POU2AF1: variants seen among roughly 807,000 people sequenced by gnomAD.
POU2AF1 encodes POU domain class 2-associating factor 1.
Under a neutral mutation model 26.3 loss-of-function variants are expected in POU2AF1, and 12 were observed. The observed-to-expected ratio is 0.46, with a 90% CI of 0.29 to 0.74. The LOEUF (loss-of-function observed/expected upper bound fraction) is 0.74, where lower values mean the gene tolerates loss of function less well. Among genes scored for constraint, POU2AF1 ranks in the 30% least tolerant of loss-of-function variants. The pLI, the probability that POU2AF1 is intolerant of heterozygous loss-of-function variation, is 0.09. For synonymous variants in POU2AF1, 175 were observed against 148.0 expected (o/e 1.18, Z -1.32); for missense variants, 297 against 334.5 (o/e 0.89, Z 0.87).
At chr11:111,378,248 G>A in intron 1 of POU2AF1, among the ~76,000 whole-genome samples, 1 of 152,104 alleles carries the variant, frequency 6.6e-6, no homozygotes, top group East Asian at 1.9e-4. Context: ...TTGAGGCACA[G>A]CATACTAAAA....
intron 1 of POU2AF1, among the ~76,000 whole-genome samples, chr11:111,360,437 G>A (rs958941755): frequency 1.4e-4 from 22 of 152,218 alleles, no homozygotes; most frequent in Non-Finnish European, 2.9e-4. Context: ...CCACGAGCAA[G>A]GCCTGGCCTT....
In POU2AF1 at chr11:111,353,012, AG is replaced by A; in HGVS notation, c.*1248del. ...AAGGAAAGAAGGAAGGAAGGAAGGA[AG>A]GAAGGAAGGAAGGAAGGAAGGAAGG... On this transcript the variant is annotated 3_prime_UTR_variant, in exon 5 of 5. Coordinates refer to ENST00000393067, the MANE Select transcript of POU2AF1 (RefSeq NM_006235.3). 6.0e-6 allele frequency: 1 copy of A among 166,690 alleles called. No homozygotes were observed. Among genetic ancestry groups the A allele is most frequent in the Non-Finnish European group, 1.2e-5 (1 of 81,006 alleles). 10.3% of individuals were successfully genotyped at this position (166,690 alleles called of 1,614,324 possible). A position where few individuals can be genotyped will look rare whatever the true frequency, so the allele number is the denominator to read the frequency against.
intron 1 of POU2AF1, among the ~76,000 whole-genome samples, chr11:111,368,182 G>T (rs1044298766): frequency 1.3e-5 from 2 of 152,176 alleles, no homozygotes; most frequent in Non-Finnish European, 2.9e-5. Context: ...TGGTTTGTTT[G>T]GTTGGTTTCC....
chr11:111,369,118 A>T (rs1428790016), intron 1 of POU2AF1, among the ~76,000 whole-genome samples: 1 of 152,234 alleles, frequency 6.6e-6, no homozygotes, highest in Non-Finnish European at 1.5e-5. Flanking sequence ...AGGCAGCAAG[A>T]TACCCCTACT....
At chr11:111,358,436 T>TCTCA (rs1565360837) in intron 2 of POU2AF1, among the ~76,000 whole-genome samples, 5 of 56,664 alleles carry the variant, frequency 8.8e-5, no homozygotes, top group Non-Finnish European at 1.2e-4. Context: ...ACTCTCACAC[T>TCTCA]CACTCTCACA....
At chr11:111,363,365 A>G (rs1861047477) in intron 1 of POU2AF1, 1 of 1,021,114 alleles carries the variant, frequency 9.8e-7, no homozygotes, top group Admixed American at 5.8e-5. Context: ...CTTCAAGACG[A>G]TTCCAAAGGA....
chr11:111,372,130 A>G (rs1161719180), intron 1 of POU2AF1, among the ~76,000 whole-genome samples: 1 of 151,938 alleles, frequency 6.6e-6, no homozygotes, highest in Non-Finnish European at 1.5e-5. Context: ...TAGAAAGTTC[A>G]GAATCAAGGA....
intron 1 of POU2AF1, among the ~76,000 whole-genome samples, chr11:111,375,390 C>CTT (rs869115956): frequency 0.27 from 20,715 of 77,256 alleles, 5,299 homozygotes; most frequent in East Asian, 0.55. Flanking sequence ...TACTGAGTAT[C>CTT]TTTTTTTTTT....
chr11:111,354,294 C>A lies in POU2AF1; in HGVS notation c.738G>T (p.Ala246=), dbSNP rs35539762. Residue 246 remains alanine, a synonymous_variant, in exon 5 of 5, where the codon GCG becomes GCT. Coordinates refer to ENST00000393067, the MANE Select transcript of POU2AF1 (RefSeq NM_006235.3). ...CTTCCACAGAGAGAGTGTGGTTAAG[C>A]GCATAGGCGTCGCTATCCTCTTCCT... ...LLEEEDSDAY[A]LNHTLSVEGF 2.5e-6 allele frequency: 4 copies of A among 1,614,094 alleles called. No individual in the cohort carries two copies. Among genetic ancestry groups the A allele is most frequent in the Non-Finnish European group, 3.4e-6 (4 of 1,180,036 alleles).
At chr11:111,358,370 A>C (rs1479624007) in intron 2 of POU2AF1, among the ~76,000 whole-genome samples, 1 of 83,890 alleles carries the variant, frequency 1.2e-5, no homozygotes, top group African/African-American at 4.1e-5. Flanking sequence ...TCACACACTC[A>C]CACACTCTCT....
chr11:111,361,543 A>C (rs138941435), intron 1 of POU2AF1, among the ~76,000 whole-genome samples: 80 of 152,372 alleles, frequency 5.3e-4, no homozygotes, highest in African/African-American at 1.9e-3. Context: ...TCCAAAGGCC[A>C]TGTCTGGCAT....
At chr11:111,357,970 C>T (rs1463595594) in intron 2 of POU2AF1, 133 bp from the exon 3 acceptor site, 1 of 980,498 alleles carries the variant, frequency 1.0e-6, no homozygotes, top group Non-Finnish European at 1.5e-6. Flanking sequence ...CAAAACATCC[C>T]ACCCCGTATC....
At chr11:111,377,329 G>A (rs991135606) in intron 1 of POU2AF1, among the ~76,000 whole-genome samples, 4 of 152,078 alleles carry the variant, frequency 2.6e-5, no homozygotes, top group East Asian at 3.9e-4. Flanking sequence ...GCAGTGAGCC[G>A]AGATCGCGCC....
rs1456383103 is a variant in POU2AF1, at chr11:111,352,973, GGAAGGAAGGAAGGAAGGAAA to G, written c.*1268_*1287del. 2.4e-3 allele frequency: 155 copies of G among 63,730 alleles called. 2 individuals carry two copies. Among genetic ancestry groups the G allele is most frequent in the Admixed American group, 8.3e-3 (40 of 4,846 alleles). 3.9% of individuals were successfully genotyped at this position (63,730 alleles called of 1,614,324 possible). A position where few individuals can be genotyped will look rare whatever the true frequency, so the allele number is the denominator to read the frequency against. ...AAAGAAAGAAAGAGAGAGGAAGGAA[GGAAGGAAGGAAGGAAGGAAA>G]GAAGGAAGGAAGGAAGGAAGGAAGG... On this transcript the variant is annotated 3_prime_UTR_variant, in exon 5 of 5. Transcript: ENST00000393067.
chr11:111,372,819 A>C (rs537010086), intron 1 of POU2AF1, among the ~76,000 whole-genome samples: 12 of 152,346 alleles, frequency 7.9e-5, no homozygotes, highest in Admixed American at 4.6e-4. Flanking sequence ...AAATGGCATC[A>C]GATGTCAGCA....
intron 2 of POU2AF1, 89 bp from the exon 3 acceptor site, chr11:111,357,926 G>A: frequency 7.5e-7 from 1 of 1,328,054 alleles, no homozygotes; most frequent in Non-Finnish European, 1.0e-6. Flanking sequence ...CCTCAGGGCA[G>A]GAGAATAGAA....
At chr11:111,358,640 T>C (rs1860935205) in intron 2 of POU2AF1, 148 bp downstream of exon 2, 1 of 992,730 alleles carries the variant, frequency 1.0e-6, no homozygotes, top group Admixed American at 2.1e-5. Flanking sequence ...TCTCTCACAC[T>C]ATCACACTCT....
intron 1 of POU2AF1, among the ~76,000 whole-genome samples, chr11:111,374,081 T>C (rs1861263024): frequency 6.7e-6 from 1 of 149,692 alleles, no homozygotes; most frequent in Non-Finnish European, 1.5e-5. Context: ...GAATTAAATG[T>C]CCACATATTT....
At chr11:111,375,388 A>ATATTTTT (rs1565368329) in intron 1 of POU2AF1, among the ~76,000 whole-genome samples, 1 of 49,076 alleles carries the variant, frequency 2.0e-5, no homozygotes, top group Non-Finnish European at 4.2e-5. Flanking sequence ...GATACTGAGT[A>ATATTTTT]TCTTTTTTTT....
Sources: allele counts gnomAD v4.1 joint callset (sites outside exome capture counted in the v4.1 genomes callset), GRCh38; gene constraint gnomAD v4.1.1; transcripts MANE v1.5; gene names NCBI Gene and HGNC (gene_info 2026-07-23, HGNC 2026-07-21).